Variants in NT5C2 observed in about 807,000 individuals in gnomAD.
NT5C2 encodes 5'-nucleotidase, cytosolic II, also known as cytosolic purine 5'-nucleotidase.
Under a neutral mutation model 76.1 loss-of-function variants are expected in NT5C2, and 58 were observed. The observed-to-expected ratio is 0.76, with a 90% CI of 0.62 to 0.95. The LOEUF (loss-of-function observed/expected upper bound fraction) is 0.95, where lower values mean the gene tolerates loss of function less well. Among genes scored for constraint, NT5C2 ranks in the 40% least tolerant of loss-of-function variants. The pLI, the probability that NT5C2 is intolerant of heterozygous loss-of-function variation, is 0.00. For synonymous variants in NT5C2, 229 were observed against 237.4 expected (o/e 0.96, Z 0.32); for missense variants, 478 against 690.3 (o/e 0.69, Z 3.45).
Position 103,089,883 on chromosome 10 carries a change from T to C in NT5C2, c.1475A>G (p.His492Arg). The change falls in exon 19 of 19, where the codon CAC becomes CGC. Residue 492 changes from histidine (H) to arginine (R), a missense_variant. By Grantham distance (29) the His-to-Arg change is conservative. Coordinates refer to ENST00000404739, the MANE Select transcript of NT5C2 (RefSeq NM_001351169.2). ...VLMPHESTVE[H>R]THVDINEMES... Reference sequence around the variant, plus strand: ...CATCTCATTGATATCTACGTGTGTGTGCTCCACCGTTGATTCATGAGGCAT... The same window carrying C: ...CATCTCATTGATATCTACGTGTGTGCGCTCCACCGTTGATTCATGAGGCAT... 6.2e-7 allele frequency: 1 copy of C among 1,609,020 alleles called. No individual in the cohort carries two copies. Among genetic ancestry groups the C allele is most frequent in the Non-Finnish European group, 8.5e-7 (1 of 1,177,262 alleles).
chr10:103,090,907 A>G, intron 17 of NT5C2, 29 bp downstream of exon 17: 1 of 1,610,982 alleles, frequency 6.2e-7, no homozygotes, highest in South Asian at 1.1e-5. Flanking sequence ...CTTATTTCCC[A>G]AGTTTTCTCC....
At chr10:103,132,316 A>G (rs1591282265) in intron 4 of NT5C2, among the ~76,000 whole-genome samples, 2 of 152,160 alleles carry the variant, frequency 1.3e-5, no homozygotes, top group African/African-American at 2.4e-5. Context: ...GACTAAGGAG[A>G]TAAGACAACT....
At chr10:103,191,418 T>TAA (rs1013232019) in intron 1 of NT5C2, among the ~76,000 whole-genome samples, 10 of 143,784 alleles carry the variant, frequency 7.0e-5, no homozygotes, top group African/African-American at 1.0e-4. Context: ...AGGAAATACT[T>TAA]AAAAAAAAAA....
rs1050741202 is a variant in NT5C2 at position 103,125,160 on chromosome 10, T to G, written c.175+14246A>C. 98 of 573,244 alleles carry G rather than the reference T, an allele frequency of 1.7e-4. No homozygotes were observed. The East Asian group carries it at 3.8e-3, about 22-fold the overall frequency. The allele number at this position is 573,244 out of a possible 1,614,324, so 35.5% of individuals were successfully genotyped here. ...TTACTCTACCATTTTTCTAGATCTT[T>G]GAGTTGCACATCAAATCTGGGACTC... On this transcript the variant is annotated intron_variant, in intron 4 of 18. Coordinates refer to ENST00000404739, the MANE Select transcript of NT5C2 (RefSeq NM_001351169.2).
intron 2 of NT5C2, among the ~76,000 whole-genome samples, chr10:103,180,718 C>T (rs1458087700): frequency 6.7e-6 from 1 of 148,504 alleles, no homozygotes; most frequent in Admixed American, 6.7e-5. Flanking sequence ...GATCCTGTCT[C>T]AAAAGAAAAA....
At position 103,139,403 on chromosome 10, in the gene NT5C2, C is replaced by A; in HGVS notation, c.175+3G>T. 6.4e-7 allele frequency: 1 copy of A among 1,567,812 alleles called. No homozygotes were observed. Among genetic ancestry groups the A allele is most frequent in the South Asian group, 1.2e-5 (1 of 84,928 alleles). ...TCTTAAGCAATCAGAAATTGCTACT[C>A]ACCAGCAAGGGTATAATCCATATCA... On this transcript the variant is annotated splice_donor_region_variant and intron_variant, in intron 4 of 18. Coordinates refer to ENST00000404739, the MANE Select transcript of NT5C2 (RefSeq NM_001351169.2).
chr10:103,130,321 C>T (rs1321184960), intron 4 of NT5C2, among the ~76,000 whole-genome samples: 6 of 151,792 alleles, frequency 4.0e-5, no homozygotes, highest in Non-Finnish European at 5.9e-5. Flanking sequence ...AAGGGCGGTG[C>T]AAGATGTGCT....
rs529012276 is a variant in NT5C2, at chr10:103,093,296, C to T, written c.1002G>A (p.Thr334=). Residue 334 remains threonine, a synonymous_variant, in exon 15 of 19, where the codon ACG becomes ACA. Coordinates refer to ENST00000404739, the MANE Select transcript of NT5C2 (RefSeq NM_001351169.2). ...GIVYSGGSSD[T]ICDLLGAKGK... is the part of the protein sequence containing the mutation. ...CCTTGGCTCCCAACAGGTCACAGATCGTATCAGAAGAACCTGAACCAACAG... is the reference window on the plus strand; with the variant it reads ...CCTTGGCTCCCAACAGGTCACAGATTGTATCAGAAGAACCTGAACCAACAG... 1.1e-5 allele frequency: 17 copies of T among 1,586,746 alleles called. No homozygotes were observed. The highest frequency in any genetic ancestry group is 1.2e-5 in the Non-Finnish European group (14 of 1,168,704).
chr10:103,096,034 T>A, intron 11 of NT5C2, 54 bp from the exon 12 acceptor site: 4 of 1,288,798 alleles, frequency 3.1e-6, no homozygotes, highest in Non-Finnish European at 4.5e-6. Context: ...AAAAGGTATA[T>A]AACCTAAAGA....
chr10:103,110,022 A>C (rs2072530823), intron 4 of NT5C2, among the ~76,000 whole-genome samples: 1 of 152,186 alleles, frequency 6.6e-6, no homozygotes, highest in Admixed American at 6.5e-5. Flanking sequence ...CCTTTTTCTC[A>C]ATGAACTCAG....
At chr10:103,137,146 T>C (rs2079448941) in intron 4 of NT5C2, among the ~76,000 whole-genome samples, 1 of 152,240 alleles carries the variant, frequency 6.6e-6, no homozygotes, top group South Asian at 2.1e-4. Flanking sequence ...CTGCTTTAGA[T>C]AATCTCTTTC....
At chr10:103,093,929 G>T in intron 14 of NT5C2, 43 bp downstream of exon 14, 1 of 1,426,012 alleles carries the variant, frequency 7.0e-7, no homozygotes. Context: ...TTCACTGTGA[G>T]GTCTGAGCAA....
At chr10:103,092,305 T>C (rs2067132552) in intron 15 of NT5C2, among the ~76,000 whole-genome samples, 1 of 152,230 alleles carries the variant, frequency 6.6e-6, no homozygotes, top group Non-Finnish European at 1.5e-5. Flanking sequence ...GGTAAAATAA[T>C]AGTAATAATT....
At chr10:103,127,526 G>A (rs919448551) in intron 4 of NT5C2, among the ~76,000 whole-genome samples, 1 of 152,196 alleles carries the variant, frequency 6.6e-6, no homozygotes, top group African/African-American at 2.4e-5. Context: ...TGAACACTAT[G>A]TGACACACTT....
chr10:103,135,734 G>T lies in NT5C2; in HGVS notation c.175+3672C>A, dbSNP rs142698824. Among the ~76,000 whole-genome samples the T allele has an allele frequency of 5.9e-3, 901 of 151,728 alleles. 9 individuals carry two copies. The highest frequency in any genetic ancestry group is 0.02 in the African/African-American group (844 of 41,354). On this transcript the variant is annotated intron_variant, in intron 4 of 18. Transcript: ENST00000404739. ...ACCCAGGAGGCGGAGGTTGCAATGA[G>T]CTGAGATCGCACCACTGCACTCCAG...
chr10:103,124,753 G>A (rs1349092076), intron 4 of NT5C2, among the ~76,000 whole-genome samples: 5 of 151,806 alleles, frequency 3.3e-5, no homozygotes, highest in African/African-American at 1.2e-4. Context: ...ATCCAACCCA[G>A]GTCTACCACA....
chr10:103,129,715 C>G, intron 4 of NT5C2, among the ~76,000 whole-genome samples: 1 of 106,010 alleles, frequency 9.4e-6, no homozygotes, highest in Non-Finnish European at 2.0e-5. Context: ...AGTGAGGAGC[C>G]CCTCTGCCCG....
chr10:103,154,272 T>C (rs925023854), intron 3 of NT5C2, among the ~76,000 whole-genome samples: 2 of 152,100 alleles, frequency 1.3e-5, no homozygotes, highest in African/African-American at 2.4e-5. Context: ...AGGCTTAAAA[T>C]TTTTAAAAGC....
chr10:103,115,379 G>A (rs150201993), intron 4 of NT5C2, among the ~76,000 whole-genome samples: 3,347 of 152,234 alleles, frequency 0.022, 49 homozygotes, highest in Middle Eastern at 0.048. Flanking sequence ...TCTTGCCTGG[G>A]TGACAGAGCA....
Sources: gnomAD v4.1 joint callset for allele counts (sites outside exome capture counted in the v4.1 genomes callset) on GRCh38, gnomAD v4.1.1 for gene constraint, MANE v1.5 for transcripts, NCBI Gene and HGNC (gene_info 2026-07-23, HGNC 2026-07-21) for gene names.